The following SCHIP1 variants were observed in gnomAD, a reference collection of about 807,000 sequenced individuals.
SCHIP1 encodes schwannomin-interacting protein 1.
A neutral mutation model predicts 29.7 loss-of-function variants in SCHIP1; 8 were observed. The ratio of observed to expected loss-of-function variants is 0.27; its 90% CI spans 0.16 to 0.49. The LOEUF is 0.49. Among genes scored for constraint, SCHIP1 ranks in the 20% least tolerant of loss-of-function variants. The pLI, the probability that SCHIP1 is intolerant of heterozygous loss-of-function variation, is 0.99. For synonymous variants in SCHIP1, 76 were observed against 94.9 expected, an observed-to-expected ratio of 0.80 and a Z score of 1.16; for missense variants, 193 against 294.6, an observed-to-expected ratio of 0.66 and a Z score of 2.52.
chr3:159,327,740 A>T, the SCHIP1 span, among the ~76,000 whole-genome samples: 1 of 152,168 alleles, frequency 6.6e-6, no homozygotes, highest in African/African-American at 2.4e-5. Flanking sequence ...ACATTGTGGA[A>T]TGAGACTCTG....
At chr3:159,518,414 C>T in the SCHIP1 span, among the ~76,000 whole-genome samples, 4 of 151,980 alleles carry the variant, frequency 2.6e-5, no homozygotes, top group African/African-American at 9.7e-5. Flanking sequence ...TCTTCTTGTG[C>T]ACCTGAATTA....
At chr3:159,528,716 C>T in the SCHIP1 span, among the ~76,000 whole-genome samples, 1 of 152,212 alleles carries the variant, frequency 6.6e-6, no homozygotes, top group Admixed American at 6.5e-5. Context: ...AGGGTTTGGG[C>T]AGCTGCCTGC....
chr3:159,767,383 G>T, the SCHIP1 span, among the ~76,000 whole-genome samples: 3,298 of 152,272 alleles, frequency 0.022, 105 homozygotes, highest in African/African-American at 0.07. Flanking sequence ...TGTTATAAAA[G>T]ATTGAAAAGC....
chr3:159,308,144 A>G, the SCHIP1 span, among the ~76,000 whole-genome samples: 1 of 152,064 alleles, frequency 6.6e-6, no homozygotes, highest in Non-Finnish European at 1.5e-5. Flanking sequence ...AATAGCATTG[A>G]ATCTGTAAAT....
chr3:159,310,040 C>T, the SCHIP1 span, among the ~76,000 whole-genome samples: 1 of 152,268 alleles, frequency 6.6e-6, no homozygotes, highest in South Asian at 2.1e-4. Context: ...TCAGTGTAAG[C>T]TCAAGGCTTG....
the SCHIP1 span, among the ~76,000 whole-genome samples, chr3:159,484,656 C>A: frequency 6.6e-6 from 1 of 152,088 alleles, no homozygotes; most frequent in African/African-American, 2.4e-5. Flanking sequence ...ATTTAAATAT[C>A]AATCATGTTG....
the SCHIP1 span, chr3:159,309,206 GA>G: frequency 7.3e-5 from 17 of 233,076 alleles, 1 homozygote; most frequent in African/African-American, 2.3e-4. Context: ...ATTTAAATGG[GA>G]AAAAATTGTA....
At chr3:159,399,686 T>C in the SCHIP1 span, among the ~76,000 whole-genome samples, 1,170 of 152,168 alleles carry the variant, frequency 7.7e-3, 15 homozygotes, top group African/African-American at 0.027. Flanking sequence ...TGAATATATA[T>C]ATATATTAGA....
chr3:159,371,704 T>C, the SCHIP1 span, among the ~76,000 whole-genome samples: 2 of 152,160 alleles, frequency 1.3e-5, no homozygotes, highest in Non-Finnish European at 2.9e-5. Flanking sequence ...TGGGTAGTAC[T>C]TGCACATAGC....
chr3:159,434,159 A>G, the SCHIP1 span, among the ~76,000 whole-genome samples: 1 of 152,230 alleles, frequency 6.6e-6, no homozygotes, highest in Non-Finnish European at 1.5e-5. Flanking sequence ...AGCAACATTC[A>G]TTAGGCACCT....
At chr3:159,886,661 C>T (rs1017360447) in intron 3 of SCHIP1, 2 of 221,068 alleles carry the variant, frequency 9.0e-6, no homozygotes, top group Non-Finnish European at 1.8e-5. Flanking sequence ...GAGGCTGAGG[C>T]GGGAGGATCA....
chr3:159,360,954 C>T, the SCHIP1 span, among the ~76,000 whole-genome samples: 1 of 152,170 alleles, frequency 6.6e-6, no homozygotes, highest in Non-Finnish European at 1.5e-5. Context: ...TCTCTATCCT[C>T]CTCAGACAAT....
At chr3:159,560,673 C>T in the SCHIP1 span, among the ~76,000 whole-genome samples, 1 of 151,932 alleles carries the variant, frequency 6.6e-6, no homozygotes, top group Admixed American at 6.6e-5. Flanking sequence ...ATTCCCACCC[C>T]TTCCATTCTC....
chr3:159,569,223 T>A, the SCHIP1 span, among the ~76,000 whole-genome samples: 4 of 152,122 alleles, frequency 2.6e-5, no homozygotes, highest in Non-Finnish European at 4.4e-5. Flanking sequence ...AATGTGCAGG[T>A]TTGATACATA....
At chr3:159,662,876 ATTT>A in the SCHIP1 span, among the ~76,000 whole-genome samples, 2 of 152,060 alleles carry the variant, frequency 1.3e-5, no homozygotes, top group Non-Finnish European at 2.9e-5. Context: ...GGTCAATTTA[ATTT>A]TTTAAAAAAG....
the SCHIP1 span, among the ~76,000 whole-genome samples, chr3:159,324,070 A>G: frequency 6.6e-6 from 1 of 152,124 alleles, no homozygotes; most frequent in South Asian, 2.1e-4. Context: ...TCTGACTTAT[A>G]ACAGGTTATT....
chr3:159,753,861 T>C, the SCHIP1 span, among the ~76,000 whole-genome samples: 2 of 152,196 alleles, frequency 1.3e-5, no homozygotes, highest in Non-Finnish European at 2.9e-5. Context: ...TCAAAACCTT[T>C]ATTCAAGCCT....
At chr3:159,680,433 C>T in the SCHIP1 span, among the ~76,000 whole-genome samples, 4 of 144,786 alleles carry the variant, frequency 2.8e-5, no homozygotes, top group Admixed American at 7.4e-5. Context: ...TGCTTGAACC[C>T]GGGAGGCGGA....
the SCHIP1 span, among the ~76,000 whole-genome samples, chr3:159,591,924 TTAAAA>T: frequency 6.7e-6 from 1 of 150,222 alleles, no homozygotes. Flanking sequence ...ATCCCCGAAC[TTAAAA>T]TAAAAAAAAT....
Sources: gnomAD v4.1 joint callset for allele counts (sites outside exome capture counted in the v4.1 genomes callset) on GRCh38, gnomAD v4.1.1 for gene constraint, MANE v1.5 for transcripts, NCBI Gene and HGNC (gene_info 2026-07-23, HGNC 2026-07-21) for gene names.